Variants in RYK observed in about 807,000 individuals in gnomAD.
RYK encodes receptor like tyrosine kinase.
RYK carries 21 observed loss-of-function variants against 70.2 expected under a neutral mutation model. That is an observed-to-expected ratio of 0.30 (90% CI 0.21 to 0.43). The LOEUF is 0.43. Ranked by LOEUF, RYK falls within the 20% of genes least tolerant of loss-of-function variation. The pLI, the probability that RYK is intolerant of heterozygous loss-of-function variation, is 1.00. For missense variants in RYK, 604 were observed against 753.3 expected, an observed-to-expected ratio of 0.80 and a Z score of 2.32; for synonymous variants, 267 against 278.0, an observed-to-expected ratio of 0.96 and a Z score of 0.39.
chr3:134,204,591 CCACACACACACACACACACA>C (rs59154111), intron 5 of RYK, among the ~76,000 whole-genome samples: 4 of 140,694 alleles, frequency 2.8e-5, no homozygotes, highest in African/African-American at 8.0e-5. Flanking sequence ...ACAGCCACAG[CCACACACACACACACACACA>C]CACACACACA....
At chr3:134,217,290 C>T (rs116475978) in intron 2 of RYK, among the ~76,000 whole-genome samples, 5,273 of 152,234 alleles carry the variant, frequency 0.035, 131 homozygotes, top group Middle Eastern at 0.058. Context: ...TTGAGAGCCA[C>T]GGCCCTCCTT....
chr3:134,232,552 T>C (rs993798633), intron 1 of RYK, among the ~76,000 whole-genome samples: 2 of 152,216 alleles, frequency 1.3e-5, no homozygotes, highest in Non-Finnish European at 2.9e-5. Context: ...TTCACTACCA[T>C]AGACTGAGGT....
chr3:134,183,152 T>A, intron 9 of RYK, 81 bp from the exon 10 acceptor site: 1 of 743,644 alleles, frequency 1.3e-6, no homozygotes, highest in Admixed American at 2.7e-5. Flanking sequence ...AGTAAATAAT[T>A]ATCTTGAACT....
At chr3:134,163,152 C>T (rs2012534833) in intron 13 of RYK, among the ~76,000 whole-genome samples, 1 of 152,074 alleles carries the variant, frequency 6.6e-6, no homozygotes, top group African/African-American at 2.4e-5. Flanking sequence ...CTAAAAGACG[C>T]CATAAAAAAG....
chr3:134,163,496 T>TC (rs1273431847), intron 13 of RYK, among the ~76,000 whole-genome samples: 10 of 152,296 alleles, frequency 6.6e-5, no homozygotes, highest in Admixed American at 5.2e-4. Context: ...ATCTTATTCC[T>TC]CTCCCCAGAA....
intron 1 of RYK, among the ~76,000 whole-genome samples, chr3:134,223,087 C>T (rs1360631764): frequency 6.6e-6 from 1 of 152,208 alleles, no homozygotes; most frequent in African/African-American, 2.4e-5. Context: ...TTTGCAGGCA[C>T]ATGCTGTCTT....
At chr3:134,158,411 G>A (rs2012325385) in intron 14 of RYK, 147 bp from the exon 15 acceptor site, 1 of 408,452 alleles carries the variant, frequency 2.4e-6, no homozygotes, top group East Asian at 3.5e-5. Flanking sequence ...ACTATCTGTT[G>A]GCAGCTCTAG....
chr3:134,158,395 C>G (rs548651661), intron 14 of RYK, 131 bp from the exon 15 acceptor site: 14 of 415,360 alleles, frequency 3.4e-5, no homozygotes, highest in African/African-American at 2.9e-4. Context: ...AAAACGGATC[C>G]ATTTTACTAT....
At chr3:134,167,300 C>A (rs2012707617) in intron 13 of RYK, among the ~76,000 whole-genome samples, 2 of 152,078 alleles carry the variant, frequency 1.3e-5, no homozygotes, top group African/African-American at 4.8e-5. Flanking sequence ...CAATCCTAAG[C>A]CAGAAGAACA....
chr3:134,228,695 G>C (rs1031230535), intron 1 of RYK, among the ~76,000 whole-genome samples: 1 of 152,174 alleles, frequency 6.6e-6, no homozygotes, highest in Non-Finnish European at 1.5e-5. Context: ...TATTACTAGA[G>C]ACTGAGGCGG....
chr3:134,189,451 T>C (rs941502601), intron 8 of RYK, among the ~76,000 whole-genome samples: 19 of 152,014 alleles, frequency 1.2e-4, no homozygotes, highest in African/African-American at 3.9e-4. Context: ...ACTGGTAAAA[T>C]GTGTTCCTAA....
At chr3:134,192,522 T>C (rs2013677829) in intron 7 of RYK, among the ~76,000 whole-genome samples, 1 of 151,600 alleles carries the variant, frequency 6.6e-6, no homozygotes, top group South Asian at 2.1e-4. Flanking sequence ...ATTATTCTGG[T>C]ATTACCACAT....
chr3:134,176,137 A>C (rs2013092534), intron 11 of RYK, 98 bp from the exon 12 acceptor site: 1 of 731,492 alleles, frequency 1.4e-6, no homozygotes, highest in Admixed American at 2.5e-5. Flanking sequence ...ATCCAAAAAT[A>C]CTGCTTTAAA....
intron 1 of RYK, among the ~76,000 whole-genome samples, chr3:134,242,315 A>G (rs2015344340): frequency 6.6e-6 from 1 of 152,120 alleles, no homozygotes; most frequent in African/African-American, 2.4e-5. Flanking sequence ...CAAAAAAAAA[A>G]AAAAGATAAG....
chr3:134,189,685 G>A (rs1476863522), intron 8 of RYK, among the ~76,000 whole-genome samples: 1 of 142,372 alleles, frequency 7.0e-6, no homozygotes, highest in East Asian at 2.1e-4. Context: ...GGAGCCTGCA[G>A]TGAGCCAAGA....
Position 134,183,086 on chromosome 3 carries a change from A to T in RYK, c.1103-15T>A. ...AGAAGCTTGATCTATATATAAAGAA[A>T]AGAAAATGTCTTGAATAATAATACT... On this transcript the variant is annotated splice_polypyrimidine_tract_variant and intron_variant, in intron 9 of 14. Transcript: ENST00000623711. 1 of 1,502,158 alleles carries T rather than the reference A, an allele frequency of 6.7e-7. No homozygotes were observed. Among genetic ancestry groups the T allele is most frequent in the East Asian group, 2.4e-5 (1 of 41,414 alleles). 93.1% of individuals were successfully genotyped at this position (1,502,158 alleles called of 1,614,324 possible).
chr3:134,248,408 T>A (rs1480736601), intron 1 of RYK, among the ~76,000 whole-genome samples: 1 of 152,216 alleles, frequency 6.6e-6, no homozygotes, highest in Non-Finnish European at 1.5e-5. Context: ...ATAACTCAAG[T>A]GCTAATTAGC....
At chr3:134,173,556 G>A (rs1247746491) in intron 13 of RYK, among the ~76,000 whole-genome samples, 1 of 152,186 alleles carries the variant, frequency 6.6e-6, no homozygotes, top group African/African-American at 2.4e-5. Flanking sequence ...AGGATGGAGT[G>A]AGTGTGAGCA....
In RYK at chr3:134,199,548, AATACAT is replaced by A. The variant is rs1161750130; in HGVS notation, c.788+3176_788+3181del. On this transcript the variant is annotated intron_variant, in intron 6 of 14. Transcript: ENST00000623711. Reference sequence around the variant, plus strand: ...TATTTCTAGGTGGCTGTGTTAAGATAATACATATAAAGTACCTGGGGTACAGTACTG... The same window carrying A: ...TATTTCTAGGTGGCTGTGTTAAGATAATAAAGTACCTGGGGTACAGTACTG... Among the ~76,000 whole-genome samples, 7 of 152,368 alleles carry A rather than the reference AATACAT, an allele frequency of 4.6e-5. No individual in the cohort carries two copies. The East Asian group carries it at 9.6e-4, about 21-fold the overall frequency.
Sources: gnomAD v4.1 joint callset for allele counts (sites outside exome capture counted in the v4.1 genomes callset) on GRCh38, gnomAD v4.1.1 for gene constraint, MANE v1.5 for transcripts, NCBI Gene and HGNC (gene_info 2026-07-23, HGNC 2026-07-21) for gene names.